The following ZNF420 variants were observed in gnomAD, a reference collection of about 807,000 sequenced individuals.
ZNF420 encodes the protein ATM and p53-associated KZNF protein.
ZNF420 carries 31 observed loss-of-function variants against 44.7 expected under a neutral mutation model. The ratio of observed to expected loss-of-function variants is 0.69; its 90% CI spans 0.52 to 0.94. The LOEUF is 0.94. Among genes scored for constraint, ZNF420 ranks in the 40% least tolerant of loss-of-function variants. The pLI, the probability that ZNF420 is intolerant of heterozygous loss-of-function variation, is 0.00. For synonymous variants in ZNF420, 245 were observed against 267.4 expected (o/e 0.92, Z 0.82); for missense variants, 681 against 827.9 (o/e 0.82, Z 2.18).
In ZNF420 at chr19:37,128,069, G is replaced by GA. The variant is rs1164436308; in HGVS notation, c.1083dup (p.Pro362ThrfsTer3). 11 of 1,613,798 alleles carry GA rather than the reference G, an allele frequency of 6.8e-6. No homozygotes were observed. The highest frequency in any genetic ancestry group is 1.1e-5 in the South Asian group (1 of 91,068). The stretch of plus-strand genomic sequence containing the variant: ...GCAACATCAGAGGATTCATACTGGT[G>GA]AAAAACCCTATAAATGTGAAGAATG... On this transcript the variant is annotated frameshift_variant, in exon 5 of 5. Transcript: ENST00000337995. LOFTEE classifies it high-confidence loss of function.
In ZNF420 at chr19:37,129,130, G is replaced by A. The variant is rs1244916884; in HGVS notation, c.*72G>A. On this transcript the variant is annotated 3_prime_UTR_variant, in exon 5 of 5. Transcript: ENST00000337995. ...AGCAGCAAAGAATTCTCACAAATGT[G>A]AATATGGGCGCACATTTGCCTCATA... 6 of 1,524,098 alleles carry A rather than the reference G, an allele frequency of 3.9e-6. No homozygotes were observed. In the Admixed American group the frequency reaches 7.8e-5, roughly 20 times the overall value. The allele number at this position is 1,524,098 out of a possible 1,614,324, so 94.4% of individuals were successfully genotyped here. A position where few individuals can be genotyped will look rare whatever the true frequency, so the allele number is the denominator to read the frequency against.
chr19:37,104,951 C>A (rs1221843143), intron 4 of ZNF420, among the ~76,000 whole-genome samples: 2 of 152,156 alleles, frequency 1.3e-5, no homozygotes, highest in East Asian at 3.9e-4. Context: ...TTTAGGTTGC[C>A]TGTTCACTCT....
intron 1 of ZNF420, among the ~76,000 whole-genome samples, chr19:37,018,316 A>T (rs2074622241): frequency 6.6e-6 from 1 of 152,218 alleles, no homozygotes; most frequent in Non-Finnish European, 1.5e-5. Flanking sequence ...TTCATATGAA[A>T]CCTCGTGGGA....
chr19:37,055,450 G>T (rs548157299), intron 1 of ZNF420, among the ~76,000 whole-genome samples: 25 of 152,256 alleles, frequency 1.6e-4, no homozygotes, highest in African/African-American at 5.8e-4. Context: ...GGGGTCCTGG[G>T]GGTCCGGCCC....
At chr19:37,086,789 A>C (rs34542007) in intron 2 of ZNF420, among the ~76,000 whole-genome samples, 1 of 152,144 alleles carries the variant, frequency 6.6e-6, no homozygotes, top group African/African-American at 2.4e-5. Flanking sequence ...CTTTCTTGTG[A>C]TTAGAGTTTG....
chr19:37,010,548 G>A (rs1205557747), intron 1 of ZNF420, among the ~76,000 whole-genome samples: 1 of 151,310 alleles, frequency 6.6e-6, no homozygotes, highest in Non-Finnish European at 1.5e-5. Flanking sequence ...CTGTCACTCT[G>A]TTTCTCTCTC....
At chr19:37,050,593 A>C (rs1162968768) in intron 1 of ZNF420, among the ~76,000 whole-genome samples, 1 of 152,038 alleles carries the variant, frequency 6.6e-6, no homozygotes, top group South Asian at 2.1e-4. Context: ...GTAGTTGCTT[A>C]TCAGCTTAAG....
chr19:37,117,403 C>T (rs56745069), intron 4 of ZNF420, among the ~76,000 whole-genome samples: 2,048 of 152,072 alleles, frequency 0.013, 47 homozygotes, highest in African/African-American at 0.045. Flanking sequence ...GACCTGCAGG[C>T]GAGGCTCCTG....
chr19:37,109,264 G>A (rs7255576), intron 4 of ZNF420: 79,600 of 151,946 alleles, frequency 0.52, 21,599 homozygotes, highest in African/African-American at 0.63. Context: ...CCCATACACT[G>A]TTATTAACAT....
At chr19:37,091,317 G>T (rs1387964202) in intron 4 of ZNF420, 196 bp downstream of exon 4, 13 of 429,310 alleles carry the variant, frequency 3.0e-5, no homozygotes, top group Non-Finnish European at 3.6e-5. Context: ...CCTTACCACT[G>T]CCTTCTAATA....
intron 1 of ZNF420, among the ~76,000 whole-genome samples, chr19:37,017,525 T>C (rs1254168079): frequency 6.6e-6 from 1 of 152,224 alleles, no homozygotes; most frequent in African/African-American, 2.4e-5. Flanking sequence ...TTTGAAATCC[T>C]AACGTGTAAT....
intron 4 of ZNF420, among the ~76,000 whole-genome samples, chr19:37,105,997 T>G (rs1221657687): frequency 6.6e-6 from 1 of 152,214 alleles, no homozygotes; most frequent in Non-Finnish European, 1.5e-5. Flanking sequence ...TTTGACTTCC[T>G]CTTTTCCTAA....
intron 1 of ZNF420, among the ~76,000 whole-genome samples, chr19:37,014,139 G>A (rs1181733874): frequency 1.3e-5 from 2 of 152,186 alleles, no homozygotes; most frequent in Non-Finnish European, 2.9e-5. Flanking sequence ...CCTCCATTGA[G>A]TAGGTACTTC....
In ZNF420 at chr19:37,127,551, G is replaced by A. The variant is rs746435315; in HGVS notation, c.560G>A (p.Arg187Lys). The change falls in exon 5 of 5, where the codon AGA (arginine) becomes AAA (lysine). Residue 187 changes from arginine to lysine, a missense_variant. By Grantham distance (26) the Arg-to-Lys change is conservative. Around this residue, in one of 3 missense-constraint regions of ZNF420, gnomAD observed 350 missense variants for 382.5 expected, o/e 0.92. Coordinates refer to ENST00000337995, the MANE Select transcript of ZNF420 (RefSeq NM_144689.5). ...SRDSQLSLHQ[R>K]LHTGEKPYAC... ...GATTCACAACTCAGTCTTCATCAGA[G>A]ACTTCATACTGGTGAGAAACCCTAT... is the stretch of plus-strand genomic sequence containing the variant. The A allele has an allele frequency of 3.1e-6, 5 of 1,613,816 alleles. No individual in the cohort carries two copies. Among genetic ancestry groups the A allele is most frequent in the Non-Finnish European group, 4.2e-6 (5 of 1,179,874 alleles).
At chr19:37,060,154 A>C (rs1408870404) in intron 1 of ZNF420, among the ~76,000 whole-genome samples, 2 of 152,022 alleles carry the variant, frequency 1.3e-5, no homozygotes, top group African/African-American at 4.8e-5. Context: ...TGAGTGGTCT[A>C]TTCTCTAGAA....
chr19:37,026,266 T>A (rs1487869483), intron 1 of ZNF420, among the ~76,000 whole-genome samples: 2 of 151,104 alleles, frequency 1.3e-5, no homozygotes, highest in African/African-American at 4.9e-5. Context: ...CAAGTGATTC[T>A]CCTGCCTCAG....
chr19:37,093,158 AAG>A (rs1299717933), intron 4 of ZNF420: 1 of 151,880 alleles, frequency 6.6e-6, no homozygotes, highest in Non-Finnish European at 1.5e-5. Context: ...TGTCACTGGC[AAG>A]AGAGGGGGCA....
At chr19:37,085,443 A>G (rs1325691910) in intron 2 of ZNF420, among the ~76,000 whole-genome samples, 1 of 152,202 alleles carries the variant, frequency 6.6e-6, no homozygotes, top group Admixed American at 6.5e-5. Context: ...CTCAGGCTCC[A>G]CCAGGTCATT....
At chr19:37,101,074 A>G (rs1032597996) in intron 4 of ZNF420, among the ~76,000 whole-genome samples, 1 of 147,952 alleles carries the variant, frequency 6.8e-6, no homozygotes, top group Non-Finnish European at 1.5e-5. Context: ...TGGAAATGCT[A>G]CTTATTTTTG....
Sources: gnomAD v4.1 joint callset for allele counts (sites outside exome capture counted in the v4.1 genomes callset) on GRCh38, gnomAD v4.1.1 for gene constraint, gnomAD v4.1.1 regional missense constraint, MANE v1.5 for transcripts, NCBI Gene and HGNC (gene_info 2026-07-23, HGNC 2026-07-21) for gene names.